The following CA10 variants were observed in gnomAD, a reference collection of about 807,000 sequenced individuals.
The protein encoded by CA10 is carbonic anhydrase 10 (inactive), also known as carbonic anhydrase-related protein 10.
In CA10, 14 loss-of-function variants were observed where a neutral mutation model predicts 44.2. The observed-to-expected ratio is 0.32, with a 90% confidence interval of 0.21 to 0.50. The LOEUF is 0.50. Among genes scored for constraint, CA10 ranks in the 20% least tolerant of loss-of-function variants. The pLI is 0.99. For synonymous variants in CA10, 159 were observed against 141.6 expected, an observed-to-expected ratio of 1.12 and a Z score of -0.87; for missense variants, 350 against 409.7, an observed-to-expected ratio of 0.85 and a Z score of 1.26.
intron 3 of CA10, among the ~76,000 whole-genome samples, chr17:51,912,123 T>G (rs1981813028): frequency 6.6e-6 from 1 of 152,210 alleles, no homozygotes; most frequent in Non-Finnish European, 1.5e-5. Context: ...TTTTGTGGAC[T>G]AAGTAGTATA....
At chr17:51,798,139 G>A (rs1906787856) in intron 3 of CA10, among the ~76,000 whole-genome samples, 1 of 152,174 alleles carries the variant, frequency 6.6e-6, no homozygotes, top group South Asian at 2.1e-4. Flanking sequence ...GATGGCCACA[G>A]CTTCCTTCCT....
intron 3 of CA10, among the ~76,000 whole-genome samples, chr17:51,792,450 C>A (rs9914475): frequency 0.025 from 3,789 of 152,220 alleles, 154 homozygotes; most frequent in African/African-American, 0.085. Context: ...TTGGTGGCAG[C>A]ATATGTTTGT....
intron 4 of CA10, among the ~76,000 whole-genome samples, chr17:51,687,967 G>T (rs1915062196): frequency 6.6e-6 from 1 of 152,154 alleles, no homozygotes; most frequent in East Asian, 1.9e-4. Flanking sequence ...AAACCAACAG[G>T]ATATTAAGTA....
chr17:51,646,230 C>G (rs1744398227), intron 6 of CA10, among the ~76,000 whole-genome samples: 1 of 152,136 alleles, frequency 6.6e-6, no homozygotes, highest in African/African-American at 2.4e-5. Context: ...CATCTGTAAA[C>G]TGGGGATGGC....
intron 2 of CA10, among the ~76,000 whole-genome samples, chr17:52,042,147 T>C (rs1986786946): frequency 6.6e-6 from 1 of 152,054 alleles, no homozygotes; most frequent in Non-Finnish European, 1.5e-5. Flanking sequence ...TAGTTCAATT[T>C]TAAAGTTTTT....
At chr17:51,832,157 ACTTCT>A (rs1207807267) in intron 3 of CA10, among the ~76,000 whole-genome samples, 3 of 152,212 alleles carry the variant, frequency 2.0e-5, no homozygotes, top group East Asian at 3.9e-4. Context: ...GGGTTTCCTC[ACTTCT>A]CTTTCTTCAT....
chr17:51,864,690 G>A (rs1979466919), intron 3 of CA10, among the ~76,000 whole-genome samples: 1 of 152,152 alleles, frequency 6.6e-6, no homozygotes, highest in Non-Finnish European at 1.5e-5. Context: ...TAACAAAGGT[G>A]CCTTGATGCA....
At chr17:51,653,951 T>A (rs1400976305) in intron 4 of CA10, among the ~76,000 whole-genome samples, 1 of 152,166 alleles carries the variant, frequency 6.6e-6, no homozygotes, top group East Asian at 1.9e-4. Flanking sequence ...TTTGCAAATG[T>A]TTTCTGGTAA....
intron 4 of CA10, among the ~76,000 whole-genome samples, chr17:51,673,876 C>T (rs1914518257): frequency 1.3e-5 from 2 of 152,230 alleles, no homozygotes; most frequent in Non-Finnish European, 2.9e-5. Context: ...CTGCCCAGCC[C>T]ACATAAGCCG....
At chr17:51,759,506 G>T (rs1213845789) in intron 3 of CA10, among the ~76,000 whole-genome samples, 4 of 146,034 alleles carry the variant, frequency 2.7e-5, no homozygotes, top group African/African-American at 5.0e-5. Flanking sequence ...TATTTTTTTT[G>T]GTAAGGATAA....
At chr17:51,843,368 G>A (rs983950151) in intron 3 of CA10, among the ~76,000 whole-genome samples, 6 of 152,192 alleles carry the variant, frequency 3.9e-5, no homozygotes, top group African/African-American at 7.2e-5. Context: ...ACATTTATAA[G>A]AAAAGACATC....
chr17:52,025,711 G>A (rs1487129742), intron 2 of CA10, among the ~76,000 whole-genome samples: 1 of 151,988 alleles, frequency 6.6e-6, no homozygotes, highest in Non-Finnish European at 1.5e-5. Context: ...TTTAACTTAA[G>A]ATATTTTTGA....
Position 51,865,183 on chromosome 17 carries a change from C to T in CA10, c.279+65807G>A, listed in dbSNP as rs201406785. On this transcript the variant is annotated intron_variant, in intron 3 of 8. Coordinates refer to ENST00000451037, the MANE Select transcript of CA10 (RefSeq NM_020178.5). ...CTGCACCCTGACACTCCTCATCTCA[C>T]TTTCCTGCTTTATTTTTCTCCATGG... Among the ~76,000 whole-genome samples, 16 of 152,318 alleles carry T rather than the reference C, an allele frequency of 1.1e-4. No individual in the cohort carries two copies. The East Asian group carries it at 3.1e-3, about 29-fold the overall frequency.
At chr17:52,081,513 T>G (rs1987975438) in intron 1 of CA10, among the ~76,000 whole-genome samples, 1 of 152,122 alleles carries the variant, frequency 6.6e-6, no homozygotes. Context: ...AAGATTTAGA[T>G]GAAGCGGCCG....
intron 1 of CA10, among the ~76,000 whole-genome samples, chr17:52,104,421 C>T (rs1248535546): frequency 1.3e-5 from 2 of 152,064 alleles, no homozygotes; most frequent in African/African-American, 4.8e-5. Context: ...CCAGGCTGGT[C>T]TTGAATTCCT....
At chr17:52,039,514 C>T (rs1448576474) in intron 2 of CA10, among the ~76,000 whole-genome samples, 2 of 152,034 alleles carry the variant, frequency 1.3e-5, no homozygotes, top group Admixed American at 1.3e-4. Flanking sequence ...TCCCTGTGAT[C>T]ATCTCTGCTA....
chr17:51,939,833 GCC>G (rs1983009918), intron 2 of CA10, among the ~76,000 whole-genome samples: 1 of 151,838 alleles, frequency 6.6e-6, no homozygotes, highest in African/African-American at 2.4e-5. Context: ...TTTTCTTATA[GCC>G]TCTTATCTAG....
Position 51,922,446 on chromosome 17 carries a change from T to C in CA10, c.279+8544A>G, listed in dbSNP as rs150888145. ...CCTGCTTTCCTCTAACCACAACTTT[T>C]TAAAGTGCTCCTCATTTTCTGGAAA... On this transcript the variant is annotated intron_variant, in intron 3 of 8. Coordinates refer to ENST00000451037, the MANE Select transcript of CA10 (RefSeq NM_020178.5). Among the ~76,000 whole-genome samples, 43 of 152,294 alleles carry C rather than the reference T, an allele frequency of 2.8e-4. No individual in the cohort carries two copies. In the East Asian group the frequency reaches 8.1e-3, roughly 29 times the overall value.
chr17:52,060,721 A>AT (rs943134059), intron 2 of CA10, among the ~76,000 whole-genome samples: 3 of 152,088 alleles, frequency 2.0e-5, no homozygotes, highest in African/African-American at 7.2e-5. Context: ...CCTGTAGTTC[A>AT]TTTTTTTCTA....
Sources: allele counts gnomAD v4.1 joint callset (sites outside exome capture counted in the v4.1 genomes callset), GRCh38; gene constraint gnomAD v4.1.1; transcripts MANE v1.5; gene names NCBI Gene and HGNC (gene_info 2026-07-23, HGNC 2026-07-21).